Variants in ZFHX3 observed in about 807,000 individuals in gnomAD.
ZFHX3 encodes the protein zinc finger homeobox protein 3.
A neutral mutation model predicts 279.1 loss-of-function variants in ZFHX3; 42 were observed. The ratio of observed to expected loss-of-function variants is 0.15; its 90% CI spans 0.12 to 0.19. The LOEUF (loss-of-function observed/expected upper bound fraction) is 0.19. Among genes scored for constraint, ZFHX3 ranks in the 10% least tolerant of loss-of-function variants. The pLI is 1.00. For synonymous variants in ZFHX3, 2,293 were observed against 1,957.8 expected (o/e 1.17, Z -4.52); for missense variants, 4,981 against 4,754.0 (o/e 1.05, Z -1.40).
At chr16:73,496,071 G>C (rs2019136406) in intron 2 of ZFHX3, among the ~76,000 whole-genome samples, 1 of 152,148 alleles carries the variant, frequency 6.6e-6, no homozygotes, top group Admixed American at 6.5e-5. Flanking sequence ...GAGCACACAT[G>C]GCTGATTTAT....
At chr16:73,123,719 C>A (rs1364797425) in intron 7 of ZFHX3, 7 of 152,096 alleles carry the variant, frequency 4.6e-5, no homozygotes, top group Non-Finnish European at 5.9e-5. Flanking sequence ...TATGTTGAAA[C>A]CTAATCCCCA....
At chr16:73,845,822 C>T (rs1961435969) in intron 1 of ZFHX3, among the ~76,000 whole-genome samples, 1 of 151,038 alleles carries the variant, frequency 6.6e-6, no homozygotes, top group Non-Finnish European at 1.5e-5. Context: ...TCTTTTTTCT[C>T]TTTTTTTTTA....
At chr16:72,896,765 A>G (rs1313543148) in intron 3 of ZFHX3, among the ~76,000 whole-genome samples, 1 of 152,226 alleles carries the variant, frequency 6.6e-6, no homozygotes, top group Non-Finnish European at 1.5e-5. Context: ...CAACGATAGG[A>G]AACTTCTAAC....
chr16:73,399,505 G>A (rs1248000079), intron 3 of ZFHX3, among the ~76,000 whole-genome samples: 1 of 152,090 alleles, frequency 6.6e-6, no homozygotes, highest in Non-Finnish European at 1.5e-5. Flanking sequence ...CTCAGTCTTG[G>A]TATTCTCTCT....
intron 1 of ZFHX3, among the ~76,000 whole-genome samples, chr16:73,023,665 G>A (rs979839799): frequency 5.9e-5 from 9 of 152,288 alleles, no homozygotes; most frequent in South Asian, 2.1e-4. Flanking sequence ...GAAAACCAGC[G>A]CTTAGAAAAG....
At chr16:73,808,016 C>T (rs759613047) in intron 1 of ZFHX3, among the ~76,000 whole-genome samples, 2 of 151,952 alleles carry the variant, frequency 1.3e-5, no homozygotes, top group Non-Finnish European at 1.5e-5. Flanking sequence ...GGGTTCAAAA[C>T]GAGGGTATAA....
chr16:73,462,610 T>TA (rs1167617357), intron 2 of ZFHX3, among the ~76,000 whole-genome samples: 10 of 152,338 alleles, frequency 6.6e-5, no homozygotes, highest in African/African-American at 2.4e-4. Flanking sequence ...TAAGAGTTTT[T>TA]ATCATGAATA....
rs139547216 is a variant in ZFHX3, at chr16:73,471,644, G to A, written c.-1546-15386C>T. The stretch of plus-strand genomic sequence containing the variant: ...TTCACTGCACATCCAACTGACTTGG[G>A]TGAGAGGAGTAAAAGGAGGGCTCAG... On this transcript the variant is annotated intron_variant, in intron 2 of 17. Coordinates refer to the ZFHX3 transcript ENST00000641206. Among the ~76,000 whole-genome samples, 257 of 152,276 alleles carry A rather than the reference G, an allele frequency of 1.7e-3. 2 individuals carry two copies. Among genetic ancestry groups the A allele is most frequent in the African/African-American group, 5.6e-3 (234 of 41,558 alleles).
At chr16:73,599,455 C>T (rs1052461762) in intron 2 of ZFHX3, among the ~76,000 whole-genome samples, 1 of 152,246 alleles carries the variant, frequency 6.6e-6, no homozygotes, top group African/African-American at 2.4e-5. Context: ...AAGGCAATGG[C>T]TGCACAGCAT....
intron 1 of ZFHX3, among the ~76,000 whole-genome samples, chr16:73,851,288 T>G (rs1003839892): frequency 6.6e-6 from 1 of 152,174 alleles, no homozygotes; most frequent in Non-Finnish European, 1.5e-5. Context: ...TGCGGTCACA[T>G]TTTAGACACT....
intron 4 of ZFHX3, among the ~76,000 whole-genome samples, chr16:73,304,517 G>A (rs1188847224): frequency 6.6e-6 from 1 of 152,120 alleles, no homozygotes; most frequent in Non-Finnish European, 1.5e-5. Flanking sequence ...GTATTAATCT[G>A]CCCGGTCCCA....
At chr16:73,709,956 T>C (rs1422527942) in intron 1 of ZFHX3, among the ~76,000 whole-genome samples, 3 of 152,052 alleles carry the variant, frequency 2.0e-5, no homozygotes, top group African/African-American at 7.2e-5. Flanking sequence ...CCAAGGTGGG[T>C]GGATCACCTG....
At chr16:73,167,892 A>C (rs1967410627) in intron 5 of ZFHX3, among the ~76,000 whole-genome samples, 1 of 152,304 alleles carries the variant, frequency 6.6e-6, no homozygotes. Flanking sequence ...AATGGTTTTA[A>C]AATGTAGAGA....
chr16:73,223,353 AG>A (rs1339003933), intron 5 of ZFHX3, among the ~76,000 whole-genome samples: 1 of 152,198 alleles, frequency 6.6e-6, no homozygotes, highest in East Asian at 1.9e-4. Context: ...AAACATACAA[AG>A]AACTCTTAAA....
chr16:73,266,992 T>C (rs1408445484), intron 4 of ZFHX3, among the ~76,000 whole-genome samples: 4 of 152,210 alleles, frequency 2.6e-5, no homozygotes. Flanking sequence ...GATGTGAACC[T>C]AGATATATTG....
chr16:73,166,880 A>T (rs1050959332), intron 5 of ZFHX3, among the ~76,000 whole-genome samples: 6 of 152,196 alleles, frequency 3.9e-5, no homozygotes, highest in Admixed American at 3.9e-4. Context: ...GATGAGATAA[A>T]AGTGCCATCT....
intron 5 of ZFHX3, among the ~76,000 whole-genome samples, chr16:73,245,136 C>T (rs953577389): frequency 6.6e-6 from 1 of 152,158 alleles, no homozygotes; most frequent in Non-Finnish European, 1.5e-5. Context: ...GCTTACATTT[C>T]CCCCAAAACT....
At chr16:73,862,721 G>C (rs916695903) in intron 1 of ZFHX3, among the ~76,000 whole-genome samples, 1 of 152,066 alleles carries the variant, frequency 6.6e-6, no homozygotes, top group African/African-American at 2.4e-5. Flanking sequence ...AGGCTGTAGA[G>C]AGCTGTGATC....
At chr16:73,874,177 G>A (rs1274613217) in intron 1 of ZFHX3, among the ~76,000 whole-genome samples, 2 of 152,142 alleles carry the variant, frequency 1.3e-5, no homozygotes, top group Non-Finnish European at 2.9e-5. Context: ...CCAGTATCAA[G>A]TGTGTGGGGA....
Sources: gnomAD v4.1 joint callset for allele counts (sites outside exome capture counted in the v4.1 genomes callset) on GRCh38, gnomAD v4.1.1 for gene constraint, MANE v1.5 for transcripts, NCBI Gene and HGNC (gene_info 2026-07-23, HGNC 2026-07-21) for gene names.